Variants in SCMH1 observed in about 807,000 individuals in gnomAD.
SCMH1 encodes the protein Scm polycomb group protein homolog 1, also known as polycomb protein SCMH1.
SCMH1 carries 37 observed loss-of-function variants against 70.8 expected under a neutral mutation model. That is an observed-to-expected ratio of 0.52 (90% CI 0.40 to 0.69). SCMH1 has a LOEUF of 0.69. Ranked by LOEUF, SCMH1 falls within the 30% of genes least tolerant of loss-of-function variation. The pLI is 0.00. For synonymous variants in SCMH1, 292 were observed against 307.4 expected (o/e 0.95, Z 0.52); for missense variants, 607 against 827.3 (o/e 0.73, Z 3.27).
At chr1:41,181,627 T>A (rs1648801965) in intron 2 of SCMH1, among the ~76,000 whole-genome samples, 1 of 151,980 alleles carries the variant, frequency 6.6e-6, no homozygotes, top group Admixed American at 6.5e-5. Flanking sequence ...ATCAGAAAAA[T>A]GCAAATCAAA....
intron 6 of SCMH1, among the ~76,000 whole-genome samples, chr1:41,121,706 C>T (rs1671993116): frequency 6.6e-6 from 1 of 152,144 alleles, no homozygotes; most frequent in African/African-American, 2.4e-5. Context: ...ATCCAACTAC[C>T]TCAGTCTATA....
At chr1:41,231,939 T>C (rs1263867675) in intron 1 of SCMH1, among the ~76,000 whole-genome samples, 1 of 151,624 alleles carries the variant, frequency 6.6e-6, no homozygotes, top group African/African-American at 2.4e-5. Flanking sequence ...GGAGAATCGC[T>C]TGAACCCAGG....
intron 6 of SCMH1, among the ~76,000 whole-genome samples, chr1:41,124,670 C>T (rs1374140763): frequency 6.6e-6 from 1 of 151,872 alleles, no homozygotes. Context: ...TGCAGTGGTG[C>T]AATCATGGCT....
chr1:41,163,494 A>G (rs1296980652), intron 2 of SCMH1, among the ~76,000 whole-genome samples: 5 of 152,216 alleles, frequency 3.3e-5, no homozygotes, highest in Non-Finnish European at 7.3e-5. Context: ...GGATCCCACA[A>G]TATTTGGAGA....
intron 10 of SCMH1, among the ~76,000 whole-genome samples, chr1:41,068,381 G>T (rs150498205): frequency 2.4e-4 from 36 of 152,196 alleles, no homozygotes; most frequent in African/African-American, 8.7e-4. Context: ...TAGAGAAAAA[G>T]AAGTGAAAGA....
intron 14 of SCMH1, 40 bp from the exon 16 acceptor site, chr1:41,028,359 C>T (rs1251172503): frequency 1.2e-6 from 2 of 1,609,604 alleles, no homozygotes; most frequent in Admixed American, 1.7e-5. Context: ...AAGGGAGGCA[C>T]CATCAGAGTC....
Position 41,132,980 on chromosome 1 carries a change from C to T in SCMH1, c.412+9898G>A, listed in dbSNP as rs577505539. 6.6e-5 allele frequency among the ~76,000 whole-genome samples: 10 copies of T among 152,236 alleles called. No individual in the cohort carries two copies. In the South Asian group the frequency reaches 2.1e-3, roughly 32 times the overall value. On this transcript the variant is annotated intron_variant, in intron 6 of 14. Coordinates refer to ENST00000337495, the Ensembl canonical transcript of SCMH1. The stretch of plus-strand genomic sequence containing the variant: ...TAGTTTGAAGTCAGGTAGCATGATG[C>T]CTCCAGCTTTGTCCTTTTTGCTTAG...
chr1:41,203,077 C>A (rs1428901993), intron 1 of SCMH1, among the ~76,000 whole-genome samples: 1 of 151,582 alleles, frequency 6.6e-6, no homozygotes, highest in Non-Finnish European at 1.5e-5. Flanking sequence ...TTATTTAACC[C>A]AGTATATCAT....
chr1:41,147,985 G>A (rs372853664), intron 5 of SCMH1, among the ~76,000 whole-genome samples: 3 of 152,176 alleles, frequency 2.0e-5, no homozygotes, highest in East Asian at 1.9e-4. Flanking sequence ...GCCAATTTCC[G>A]CTTTTTAACA....
At chr1:41,070,648 G>C (rs755559038) in exon 10 of SCMH1, 1 of 1,614,130 alleles carries the variant, frequency 6.2e-7, no homozygotes, top group Non-Finnish European at 8.5e-7. Context: ...CTGGGGTACA[G>C]TGCTGGTATC....
chr1:41,096,613 T>G (rs2024859), intron 8 of SCMH1, among the ~76,000 whole-genome samples: 129,179 of 152,096 alleles, frequency 0.85, 55,340 homozygotes, highest in East Asian at 0.96. Context: ...GGAAAAGAAA[T>G]AAAACACTCA....
At chr1:41,154,699 G>A (rs1433767375) in intron 4 of SCMH1, among the ~76,000 whole-genome samples, 3 of 152,118 alleles carry the variant, frequency 2.0e-5, no homozygotes, top group African/African-American at 7.2e-5. Flanking sequence ...ATTCATCCTT[G>A]GGCTCAGAGA....
chr1:41,162,944 C>T (rs931916126), intron 2 of SCMH1: 1 of 152,348 alleles, frequency 6.6e-6, no homozygotes, highest in African/African-American at 2.4e-5. Flanking sequence ...AGGACAAGAA[C>T]TCGGGATCTG....
At chr1:41,038,385 A>AC (rs1645611003) in intron 12 of SCMH1, among the ~76,000 whole-genome samples, 1 of 152,204 alleles carries the variant, frequency 6.6e-6, no homozygotes. Flanking sequence ...AGCCTAGGCC[A>AC]CAGCTTCTCT....
intron 2 of SCMH1, among the ~76,000 whole-genome samples, chr1:41,175,623 G>A (rs1647064138): frequency 6.6e-6 from 1 of 152,164 alleles, no homozygotes; most frequent in Admixed American, 6.5e-5. Flanking sequence ...CTCTCCTGAA[G>A]GACCTCCAAT....
chr1:41,216,348 C>T (rs1440133712), intron 1 of SCMH1, among the ~76,000 whole-genome samples: 1 of 152,148 alleles, frequency 6.6e-6, no homozygotes, highest in Non-Finnish European at 1.5e-5. Flanking sequence ...AATTGAAAAA[C>T]AGCTATCTGT....
chr1:41,203,891 G>A (rs554982398), intron 1 of SCMH1, among the ~76,000 whole-genome samples: 1 of 152,278 alleles, frequency 6.6e-6, no homozygotes. Context: ...GTAAATCTCT[G>A]TTCGGGGCTC....
chr1:41,060,026 C>T (rs1024639580), intron 10 of SCMH1, among the ~76,000 whole-genome samples: 25 of 145,652 alleles, frequency 1.7e-4, no homozygotes, highest in Non-Finnish European at 2.7e-4. Flanking sequence ...AAAACCATAA[C>T]AGAATATTCA....
intron 6 of SCMH1, among the ~76,000 whole-genome samples, chr1:41,137,874 C>T (rs1392192223): frequency 2.6e-5 from 4 of 152,164 alleles, no homozygotes; most frequent in African/African-American, 9.7e-5. Flanking sequence ...CTTTCCTTTA[C>T]TAACTGATCC....
Sources: allele counts gnomAD v4.1 joint callset (sites outside exome capture counted in the v4.1 genomes callset), GRCh38; gene constraint gnomAD v4.1.1; transcripts MANE v1.5; gene names NCBI Gene and HGNC (gene_info 2026-07-23, HGNC 2026-07-21).